The following DNAH14 variants were observed in gnomAD, a reference collection of about 807,000 sequenced individuals.
DNAH14 encodes the protein dynein axonemal heavy chain 14.
In DNAH14, 478 loss-of-function variants were observed where a neutral mutation model predicts 520.9. The observed-to-expected ratio is 0.92, with a 90% CI of 0.85 to 0.99. The LOEUF (loss-of-function observed/expected upper bound fraction) is 0.99, where lower values mean the gene tolerates loss of function less well. Among genes scored for constraint, DNAH14 ranks in the 50% least tolerant of loss-of-function variants. The pLI is 0.00. For synonymous variants in DNAH14, 1,581 were observed against 1,757.2 expected, an observed-to-expected ratio of 0.90 and a Z score of 2.51; for missense variants, 4,831 against 5,234.5, an observed-to-expected ratio of 0.92 and a Z score of 2.38.
At position 225,257,950 on chromosome 1, in the gene DNAH14, G is replaced by A. The variant is rs670255; in HGVS notation, c.6866-10G>A. ...GGTCATTTGAAACTTTTTTTAAAATGTTAACTTAGGAACTTCATTACTAAC... is the reference window on the plus strand; with the variant it reads ...GGTCATTTGAAACTTTTTTTAAAATATTAACTTAGGAACTTCATTACTAAC... On this transcript the variant is annotated splice_polypyrimidine_tract_variant and intron_variant, in intron 44 of 85. Transcript: ENST00000682510. 3 of 1,531,474 alleles carry A rather than the reference G, an allele frequency of 2.0e-6. No individual in the cohort carries two copies. Among genetic ancestry groups the A allele is most frequent in the Non-Finnish European group, 2.6e-6 (3 of 1,137,580 alleles). 94.9% of individuals were successfully genotyped at this position (1,531,474 alleles called of 1,614,324 possible).
chr1:224,977,864 A>G (rs2061976265), intron 8 of DNAH14, among the ~76,000 whole-genome samples: 1 of 152,206 alleles, frequency 6.6e-6, no homozygotes. Flanking sequence ...AAGGATTGGA[A>G]TAGACATTTC....
intron 1 of DNAH14, among the ~76,000 whole-genome samples, chr1:224,938,752 C>T (rs960823766): frequency 1.3e-5 from 2 of 152,178 alleles, no homozygotes; most frequent in Non-Finnish European, 2.9e-5. Flanking sequence ...CATGTTATTG[C>T]AGCACTATTC....
chr1:225,177,505 C>T (rs1270018152), intron 36 of DNAH14, among the ~76,000 whole-genome samples: 2 of 152,178 alleles, frequency 1.3e-5, no homozygotes, highest in Non-Finnish European at 2.9e-5. Flanking sequence ...TGTCAGAGGT[C>T]TTCATCACAG....
intron 35 of DNAH14, among the ~76,000 whole-genome samples, chr1:225,163,924 G>A (rs1049950727): frequency 4.6e-5 from 7 of 152,036 alleles, no homozygotes; most frequent in Non-Finnish European, 1.0e-4. Context: ...TATATATTTA[G>A]CCTTTTGCAT....
At chr1:225,136,918 A>G (rs561420386) in intron 27 of DNAH14, among the ~76,000 whole-genome samples, 44 of 152,168 alleles carry the variant, frequency 2.9e-4, no homozygotes, top group African/African-American at 1.1e-3. Context: ...AAGCTCTGAG[A>G]TTCTTTCCTC....
chr1:225,034,567 T>C (rs2066803091), intron 11 of DNAH14, among the ~76,000 whole-genome samples: 2 of 139,698 alleles, frequency 1.4e-5, no homozygotes, highest in Admixed American at 1.6e-4. Context: ...GGTTTTGGTA[T>C]CAAGATGATG....
chr1:225,240,008 T>C (rs1026010291), intron 42 of DNAH14, among the ~76,000 whole-genome samples: 5 of 152,274 alleles, frequency 3.3e-5, no homozygotes, highest in Middle Eastern at 3.4e-3. Context: ...TCTGGGTTAA[T>C]CCAGAGTGGA....
chr1:225,353,827 A>T lies in DNAH14; in HGVS notation c.11558A>T (p.Glu3853Val). The T allele has an allele frequency of 6.6e-7, 1 of 1,515,150 alleles. No homozygotes were observed. Among genetic ancestry groups the T allele is most frequent in the South Asian group, 1.2e-5 (1 of 80,172 alleles). 93.9% of individuals were successfully genotyped at this position (1,515,150 alleles called of 1,614,324 possible). The change falls in exon 73 of 86, where the codon GAA (glutamate) becomes GTA (valine). Residue 3853 changes from glutamate (E) to valine (V), a missense_variant. Coordinates refer to ENST00000682510, the MANE Select transcript of DNAH14 (RefSeq NM_001367479.1). The stretch of plus-strand genomic sequence containing the variant: ...GCTGAACTTTTGAATGAAAATAAAG[A>T]AACGTGTAATCCTATAAATTTTCCC... Reference protein sequence around the residue: ...EETELLNENKETCNPINFPWE... With the variant: ...EETELLNENKVTCNPINFPWE...
chr1:225,218,248 C>T (rs1390917326), intron 41 of DNAH14, among the ~76,000 whole-genome samples: 1 of 152,174 alleles, frequency 6.6e-6, no homozygotes, highest in Non-Finnish European at 1.5e-5. Flanking sequence ...AACTAATCAA[C>T]TAGTGGGTAA....
chr1:225,217,753 G>A (rs777750506), intron 41 of DNAH14, among the ~76,000 whole-genome samples: 6 of 152,156 alleles, frequency 3.9e-5, no homozygotes, highest in Admixed American at 1.3e-4. Flanking sequence ...CGTTGCAGAA[G>A]CGCAGTATTA....
At chr1:225,249,380 G>T (rs2092446951) in intron 43 of DNAH14, among the ~76,000 whole-genome samples, 1 of 152,150 alleles carries the variant, frequency 6.6e-6, no homozygotes, top group Non-Finnish European at 1.5e-5. Context: ...TTGACCTGGT[G>T]AATACATTTT....
intron 27 of DNAH14, among the ~76,000 whole-genome samples, chr1:225,132,916 C>T (rs2148967578): frequency 6.6e-6 from 1 of 152,278 alleles, no homozygotes; most frequent in Non-Finnish European, 1.5e-5. Context: ...AATAGCCATT[C>T]TGATTAGCGT....
chr1:224,954,157 G>A (rs2060356003), intron 2 of DNAH14, among the ~76,000 whole-genome samples: 1 of 151,910 alleles, frequency 6.6e-6, no homozygotes, highest in Non-Finnish European at 1.5e-5. Context: ...TAATGAAGGG[G>A]AAAATTTTCA....
At chr1:225,017,427 G>A (rs2147969974) in intron 10 of DNAH14, among the ~76,000 whole-genome samples, 1 of 152,334 alleles carries the variant, frequency 6.6e-6, no homozygotes, top group East Asian at 1.9e-4. Flanking sequence ...CTGCCATTGT[G>A]CTTTCTCATG....
chr1:225,232,769 G>A lies in DNAH14; in HGVS notation c.6518+1618G>A, dbSNP rs1471769215. Among the ~76,000 whole-genome samples the A allele has an allele frequency of 6.6e-6, 1 of 152,112 alleles. No homozygotes were observed. Among genetic ancestry groups the A allele is most frequent in the Non-Finnish European group, 1.5e-5 (1 of 68,022 alleles). On this transcript the variant is annotated intron_variant, in intron 42 of 85. Coordinates refer to ENST00000682510, the MANE Select transcript of DNAH14 (RefSeq NM_001367479.1). This position sits in a 1 kb window ranked among gnomAD's most constrained non-coding sequence, Gnocchi z 4.2. ...TTCCCTGACTCCCACATCTAAACTAGTTATCCCTACTATTATTCTTCATGC... is the reference window on the plus strand; with the variant it reads ...TTCCCTGACTCCCACATCTAAACTAATTATCCCTACTATTATTCTTCATGC...
At chr1:224,946,883 A>T (rs1489684721) in intron 1 of DNAH14, among the ~76,000 whole-genome samples, 18 of 87,598 alleles carry the variant, frequency 2.1e-4, no homozygotes, top group Middle Eastern at 6.3e-3. Context: ...CTGATTTGAT[A>T]TGTTACTTGT....
At chr1:225,236,919 A>G (rs1488628103) in intron 42 of DNAH14, among the ~76,000 whole-genome samples, 1 of 152,094 alleles carries the variant, frequency 6.6e-6, no homozygotes, top group Non-Finnish European at 1.5e-5. Context: ...ATCATATGTA[A>G]TCATATACAT....
chr1:225,244,842 A>C (rs2092183784), intron 43 of DNAH14, among the ~76,000 whole-genome samples: 1 of 151,240 alleles, frequency 6.6e-6, no homozygotes, highest in Non-Finnish European at 1.5e-5. Context: ...TCATGTCTCT[A>C]TCTCCTTCAG....
intron 20 of DNAH14, 126 bp downstream of exon 20, chr1:225,082,865 A>G (rs2073305819): frequency 2.7e-6 from 2 of 731,164 alleles, no homozygotes; most frequent in Admixed American, 6.6e-5. Context: ...TGGGAAAATA[A>G]TAGTACATTT....
Sources: allele counts gnomAD v4.1 joint callset (sites outside exome capture counted in the v4.1 genomes callset), GRCh38; gene constraint gnomAD v4.1.1; non-coding constraint Gnocchi (gnomAD v3.1); transcripts MANE v1.5; gene names NCBI Gene and HGNC (gene_info 2026-07-23, HGNC 2026-07-21).